The following ST8SIA1 variants were observed in gnomAD, a reference collection of about 807,000 sequenced individuals.
ST8SIA1 encodes the protein alpha-N-acetylneuraminide alpha-2,8-sialyltransferase.
ST8SIA1 carries 16 observed loss-of-function variants against 35.9 expected under a neutral mutation model. The ratio of observed to expected loss-of-function variants is 0.45; its 90% CI spans 0.30 to 0.68. ST8SIA1 has a LOEUF of 0.68. ST8SIA1 is among the 30% of genes least tolerant of loss of function. The pLI, the probability that ST8SIA1 is intolerant of heterozygous loss-of-function variation, is 0.09. For missense variants in ST8SIA1, 383 were observed against 453.6 expected (o/e 0.84, Z 1.41); for synonymous variants, 170 against 169.6 (o/e 1.00, Z -0.02).
intron 1 of ST8SIA1, among the ~76,000 whole-genome samples, chr12:22,314,055 A>C (rs1866485525): frequency 6.6e-6 from 1 of 152,106 alleles, no homozygotes; most frequent in African/African-American, 2.4e-5. Flanking sequence ...AGGAGGGATA[A>C]AGGAGGCAAT....
intron 1 of ST8SIA1, among the ~76,000 whole-genome samples, chr12:22,307,193 C>G (rs987509007): frequency 6.6e-6 from 1 of 152,096 alleles, no homozygotes; most frequent in Admixed American, 6.5e-5. Flanking sequence ...GAATGAGGCA[C>G]TACACAGCTG....
intron 1 of ST8SIA1, among the ~76,000 whole-genome samples, chr12:22,307,362 T>C (rs111761095): frequency 1.3e-5 from 2 of 152,212 alleles, no homozygotes; most frequent in Admixed American, 6.5e-5. Context: ...CCCTCCAATA[T>C]CTTGGTATGG....
Position 22,313,636 on chromosome 12 carries a change from C to T in ST8SIA1, c.236+20361G>A, listed in dbSNP as rs568369492. ...CAACAACAAAAAAGAATCACTGGAA[C>T]GTATACTTAATTGCACTCATATTGA... On this transcript the variant is annotated intron_variant, in intron 1 of 4. Transcript: ENST00000396037. Among the ~76,000 whole-genome samples, 11 of 152,266 alleles carry T rather than the reference C, an allele frequency of 7.2e-5. 1 individual carries two copies. In the South Asian group the frequency reaches 1.5e-3, roughly 20 times the overall value.
chr12:22,229,449 T>C (rs986771153), intron 4 of ST8SIA1, among the ~76,000 whole-genome samples: 1 of 151,644 alleles, frequency 6.6e-6, no homozygotes, highest in Admixed American at 6.6e-5. Flanking sequence ...AGAACTTGTC[T>C]CTACAAAAAT....
chr12:22,301,660 T>C (rs1474675833), intron 1 of ST8SIA1, among the ~76,000 whole-genome samples: 1 of 152,200 alleles, frequency 6.6e-6, no homozygotes, highest in Non-Finnish European at 1.5e-5. Flanking sequence ...TTGACTGGCA[T>C]GGTGTGCTTT....
chr12:22,227,529 G>T (rs1865373164), intron 4 of ST8SIA1, among the ~76,000 whole-genome samples: 1 of 152,014 alleles, frequency 6.6e-6, no homozygotes, highest in Non-Finnish European at 1.5e-5. Flanking sequence ...CCGAGATCGT[G>T]CCATTGCACT....
chr12:22,238,311 A>G (rs1229723290), intron 4 of ST8SIA1, among the ~76,000 whole-genome samples: 1 of 152,212 alleles, frequency 6.6e-6, no homozygotes, highest in Non-Finnish European at 1.5e-5. Flanking sequence ...CGCAATTCCA[A>G]TTGTTCTCTA....
chr12:22,215,509 A>G (rs1385225409), intron 4 of ST8SIA1, among the ~76,000 whole-genome samples: 1 of 152,214 alleles, frequency 6.6e-6, no homozygotes, highest in Non-Finnish European at 1.5e-5. Flanking sequence ...AAGTGGGATA[A>G]TAAGAAAAGA....
At chr12:22,250,313 T>A (rs1448328959) in intron 3 of ST8SIA1, among the ~76,000 whole-genome samples, 1 of 152,210 alleles carries the variant, frequency 6.6e-6, no homozygotes, top group Non-Finnish European at 1.5e-5. Context: ...GAATTGTTGT[T>A]AAGGACTAAA....
intron 2 of ST8SIA1, among the ~76,000 whole-genome samples, chr12:22,261,111 A>C (rs1455675350): frequency 6.6e-6 from 1 of 150,934 alleles, no homozygotes; most frequent in Non-Finnish European, 1.5e-5. Context: ...TATATTTTGA[A>C]CAAATCAATA....
chr12:22,237,558 T>G (rs1033541045), intron 4 of ST8SIA1, among the ~76,000 whole-genome samples: 2 of 151,386 alleles, frequency 1.3e-5, no homozygotes, highest in Non-Finnish European at 2.9e-5. Flanking sequence ...TCACTTAATA[T>G]TAGAACATGA....
intron 4 of ST8SIA1, among the ~76,000 whole-genome samples, chr12:22,221,723 T>C (rs1181287939): frequency 6.6e-6 from 1 of 152,234 alleles, no homozygotes; most frequent in Non-Finnish European, 1.5e-5. Context: ...AACATCTATT[T>C]TCATTTCACG....
intron 2 of ST8SIA1, among the ~76,000 whole-genome samples, chr12:22,285,251 A>C (rs1866084054): frequency 6.6e-6 from 1 of 152,180 alleles, no homozygotes; most frequent in Non-Finnish European, 1.5e-5. Flanking sequence ...CCTATTTCTA[A>C]CAGAAGCAGT....
At position 22,334,362 on chromosome 12, in the gene ST8SIA1, G is replaced by C. The variant is rs915366878; in HGVS notation, c.-130C>G. ...TTGGTTCTCTTACTTGCAAACGCAC[G>C]CACGCTTCTTCGGCCCCGTCGGCCC... is the stretch of plus-strand genomic sequence containing the variant. On this transcript the variant is annotated 5_prime_UTR_variant, in exon 1 of 5. Coordinates refer to ENST00000396037, the MANE Select transcript of ST8SIA1 (RefSeq NM_003034.4). The C allele has an allele frequency of 1.5e-5, 10 of 678,766 alleles. No individual in the cohort carries two copies. The East Asian group carries it at 2.5e-4, about 17-fold the overall frequency. 42.0% of individuals were successfully genotyped at this position (678,766 alleles called of 1,614,324 possible).
chr12:22,224,332 A>G (rs184750342), intron 4 of ST8SIA1, among the ~76,000 whole-genome samples: 75 of 145,310 alleles, frequency 5.2e-4, no homozygotes, highest in Non-Finnish European at 9.3e-4. Flanking sequence ...TTTTTTTTAC[A>G]TGGAGTCTTA....
At chr12:22,284,620 A>G (rs1016786280) in intron 2 of ST8SIA1, among the ~76,000 whole-genome samples, 2 of 152,192 alleles carry the variant, frequency 1.3e-5, no homozygotes, top group East Asian at 1.9e-4. Context: ...ATTAAAAAAA[A>G]TCTACTCATT....
intron 2 of ST8SIA1, among the ~76,000 whole-genome samples, chr12:22,259,263 C>G (rs546154776): frequency 6.6e-6 from 1 of 151,678 alleles, no homozygotes; most frequent in East Asian, 1.9e-4. Context: ...ATACCACCCC[C>G]CAAAGCCCTC....
chr12:22,269,255 T>C (rs1865884721), intron 2 of ST8SIA1, among the ~76,000 whole-genome samples: 1 of 152,194 alleles, frequency 6.6e-6, no homozygotes, highest in Admixed American at 6.5e-5. Flanking sequence ...GGTTGTTTTT[T>C]TTTTATAAGG....
At chr12:22,208,398 G>A (rs1292220148) in intron 4 of ST8SIA1, among the ~76,000 whole-genome samples, 1 of 151,936 alleles carries the variant, frequency 6.6e-6, no homozygotes, top group Non-Finnish European at 1.5e-5. Context: ...TAGAGTCTTA[G>A]CTTCCCTATA....
Sources: allele counts gnomAD v4.1 joint callset (sites outside exome capture counted in the v4.1 genomes callset), GRCh38; gene constraint gnomAD v4.1.1; transcripts MANE v1.5; gene names NCBI Gene and HGNC (gene_info 2026-07-23, HGNC 2026-07-21).